The following TCERG1 variants were observed in gnomAD, a reference collection of about 807,000 sequenced individuals.
TCERG1 encodes TATA box binding protein (TBP)-associated factor, RNA polymerase II, S, 150kD.
In TCERG1, 37 loss-of-function variants were observed where a neutral mutation model predicts 144.7. That is an observed-to-expected ratio of 0.26 (90% confidence interval 0.20 to 0.34). TCERG1 has a LOEUF of 0.34. TCERG1 is among the 10% of genes least tolerant of loss of function. TCERG1 has a pLI of 1.00. For synonymous variants in TCERG1, 492 were observed against 458.2 expected (o/e 1.07, Z -0.94); for missense variants, 1,027 against 1,380.7 (o/e 0.74, Z 4.06).
chr5:146,470,608 A>G, intron 7 of TCERG1, 28 bp from the exon 8 acceptor site: 1 of 1,563,916 alleles, frequency 6.4e-7, no homozygotes. Context: ...AAAACCTTTG[A>G]GTGACATTAT....
At chr5:146,491,376 A>T (rs907161777) in intron 15 of TCERG1, among the ~76,000 whole-genome samples, 2 of 152,040 alleles carry the variant, frequency 1.3e-5, no homozygotes, top group African/African-American at 4.8e-5. Context: ...TTTTGCCCCC[A>T]GGAGACATTT....
At position 146,459,138 on chromosome 5, in the gene TCERG1, T is replaced by C. The variant is rs555146294; in HGVS notation, c.693T>C (p.Ala231=). Residue 231 remains alanine (A), a synonymous_variant, in exon 4 of 23, where the codon GCT becomes GCC. Coordinates refer to ENST00000679501, the MANE Select transcript of TCERG1 (RefSeq NM_001382548.1). The stretch of plus-strand genomic sequence containing the variant: ...CCCAAGCCCAGGCCCAGGCTCAGGC[T>C]CAGGCACAAGCTCAGGCCCAGGCCC... ...AQAQAQAQAQ[A]QAQAQAQAQA... is the part of the protein sequence containing the mutation. 2.3e-5 allele frequency: 36 copies of C among 1,599,650 alleles called. No individual in the cohort carries two copies. The highest frequency in any genetic ancestry group is 2.1e-4 in the South Asian group (19 of 90,456).
At chr5:146,489,673 T>C (rs1364673085) in intron 15 of TCERG1, among the ~76,000 whole-genome samples, 2 of 152,136 alleles carry the variant, frequency 1.3e-5, no homozygotes, top group Admixed American at 1.3e-4. Context: ...TTCCAAGCAC[T>C]CCAGAGCTGC....
chr5:146,466,654 A>G (rs775971843), intron 5 of TCERG1, among the ~76,000 whole-genome samples: 2 of 152,202 alleles, frequency 1.3e-5, no homozygotes, highest in African/African-American at 4.8e-5. Flanking sequence ...CACAATCTGC[A>G]TGTAATCACT....
chr5:146,504,165 G>C, intron 19 of TCERG1, 159 bp downstream of exon 19: 1 of 728,788 alleles, frequency 1.4e-6, no homozygotes, highest in Non-Finnish European at 1.9e-6. Context: ...AGTACTGTTA[G>C]TATAGGAAAA....
At chr5:146,463,509 T>C in intron 4 of TCERG1, 42 bp from the exon 5 acceptor site, 2 of 1,610,138 alleles carry the variant, frequency 1.2e-6, no homozygotes, top group South Asian at 2.2e-5. Flanking sequence ...GTAAAATGAT[T>C]TATGAAGGAG....
chr5:146,480,517 G>A (rs1765256540), intron 12 of TCERG1: 1 of 156,988 alleles, frequency 6.4e-6, no homozygotes, highest in African/African-American at 2.4e-5. Context: ...CCTTGGTGAG[G>A]AGAGAACCCA....
rs1042735289 is a variant in TCERG1, at chr5:146,511,303, A to T, written c.*661A>T. Reference sequence around the variant, plus strand: ...GGTCATAACTAACATGTTGGCCAGAATAGAACCACTGGTTAAACATATTTT... The same window carrying T: ...GGTCATAACTAACATGTTGGCCAGATTAGAACCACTGGTTAAACATATTTT... On this transcript the variant is annotated 3_prime_UTR_variant, in exon 23 of 23. Transcript: ENST00000679501. 6.6e-6 allele frequency: 1 copy of T among 152,650 alleles called. No individual in the cohort carries two copies. Among genetic ancestry groups the T allele is most frequent in the Admixed American group, 6.5e-5 (1 of 15,276 alleles). The allele number at this position is 152,650 out of a possible 1,614,324, so 9.5% of individuals were successfully genotyped here.
chr5:146,508,205 TAATG>T (rs1193326592), intron 21 of TCERG1, among the ~76,000 whole-genome samples: 1 of 152,224 alleles, frequency 6.6e-6, no homozygotes, highest in Non-Finnish European at 1.5e-5. Context: ...CTTAGAAATT[TAATG>T]AAGCTGCAGT....
intron 22 of TCERG1, 63 bp from the exon 23 acceptor site, chr5:146,510,378 C>A: frequency 2.5e-6 from 3 of 1,218,974 alleles, no homozygotes; most frequent in Non-Finnish European, 3.6e-6. Flanking sequence ...ACATTTCCAG[C>A]TCATTTCTGA....
chr5:146,481,374 T>G (rs1765351839), intron 13 of TCERG1, 174 bp downstream of exon 13: 1 of 177,134 alleles, frequency 5.6e-6, no homozygotes, highest in African/African-American at 2.4e-5. Context: ...TTAAATAGTT[T>G]TAAAATTATT....
rs774397958 is a variant in TCERG1, at chr5:146,510,458, A to G, written c.3164A>G (p.Gln1055Arg). 6.2e-7 allele frequency: 1 copy of G among 1,613,478 alleles called. No individual in the cohort carries two copies. Among genetic ancestry groups the G allele is most frequent in the South Asian group, 1.1e-5 (1 of 91,042 alleles). The change falls in exon 23 of 23, where the codon CAA (glutamine) becomes CGA (arginine). Residue 1055 changes from glutamine to arginine, a missense_variant. This residue lies in a region of TCERG1 where 133 missense variants were observed against 283.2 expected (regional missense o/e 0.47). Transcript: ENST00000679501. ...TATTTCAGATCCAAAAAATTAATCCAAGAATCAGATCAGCACCTGAAAGAT... is the reference window on the plus strand; with the variant it reads ...TATTTCAGATCCAAAAAATTAATCCGAGAATCAGATCAGCACCTGAAAGAT... ...FITYRSKKLI[Q>R]ESDQHLKDVE...
intron 5 of TCERG1, among the ~76,000 whole-genome samples, chr5:146,466,404 TA>T (rs1763793925): frequency 2.0e-5 from 3 of 151,274 alleles, no homozygotes; most frequent in East Asian, 1.9e-4. Context: ...AATACAAGAG[TA>T]GGGGGTGGAG....
intron 15 of TCERG1, among the ~76,000 whole-genome samples, chr5:146,490,339 G>T (rs1018720065): frequency 6.6e-5 from 10 of 152,174 alleles, no homozygotes; most frequent in Non-Finnish European, 1.0e-4. Flanking sequence ...TGTTGTACTT[G>T]TTATAAAGAT....
At chr5:146,466,748 G>C (rs1399134418) in intron 5 of TCERG1, among the ~76,000 whole-genome samples, 2 of 152,210 alleles carry the variant, frequency 1.3e-5, no homozygotes, top group Non-Finnish European at 1.5e-5. Flanking sequence ...TAGTCAAATA[G>C]AAGAGTTCTG....
rs780510148 is a variant in TCERG1, at chr5:146,455,183, C to T, written c.187C>T (p.Pro63Ser). The T allele has an allele frequency of 6.2e-7, 1 of 1,614,226 alleles. No homozygotes were observed. The highest frequency in any genetic ancestry group is 8.5e-7 in the Non-Finnish European group (1 of 1,180,048). ...FGMMRGPPPP[P>S]RPPFGRPPFD... The stretch of plus-strand genomic sequence containing the variant: ...TATGATGCGAGGCCCTCCTCCACCA[C>T]CACGGCCGCCCTTTGGACGTCCTCC... The change falls in exon 2 of 23, where the codon CCA becomes TCA. Residue 63 changes from proline (P) to serine (S), a missense_variant. Pro to Ser is a moderately conservative substitution (Grantham distance 74, BLOSUM62 -1). This residue lies in a region of TCERG1 where 175 missense variants were observed against 197.0 expected (regional missense o/e 0.89). Coordinates refer to ENST00000679501, the MANE Select transcript of TCERG1 (RefSeq NM_001382548.1).
intron 15 of TCERG1, among the ~76,000 whole-genome samples, chr5:146,491,239 G>T (rs1350612727): frequency 3.3e-5 from 5 of 151,404 alleles, no homozygotes; most frequent in Non-Finnish European, 7.4e-5. Flanking sequence ...CTCCTGCCTT[G>T]CCCTCCCAGA....
At chr5:146,465,888 C>A (rs559082365) in intron 5 of TCERG1, among the ~76,000 whole-genome samples, 1 of 151,774 alleles carries the variant, frequency 6.6e-6, no homozygotes, top group Non-Finnish European at 1.5e-5. Context: ...ATTAGCCGGG[C>A]GTGGTGGTGC....
At chr5:146,486,655 A>G (rs543729293) in intron 15 of TCERG1, among the ~76,000 whole-genome samples, 39 of 152,354 alleles carry the variant, frequency 2.6e-4, no homozygotes, top group Admixed American at 9.2e-4. Context: ...AGCCAGAGCA[A>G]TTAGGCAAGA....
Sources: gnomAD v4.1 joint callset for allele counts (sites outside exome capture counted in the v4.1 genomes callset) on GRCh38, gnomAD v4.1.1 for gene constraint, gnomAD v4.1.1 regional missense constraint, MANE v1.5 for transcripts, NCBI Gene and HGNC (gene_info 2026-07-23, HGNC 2026-07-21) for gene names.